CASZ1: variants seen among roughly 807,000 people sequenced by gnomAD.
The protein encoded by CASZ1 is zinc finger protein castor homolog 1.
In CASZ1, 28 loss-of-function variants were observed where a neutral mutation model predicts 135.2. That is an observed-to-expected ratio of 0.21 (90% CI 0.15 to 0.28). The LOEUF (loss-of-function observed/expected upper bound fraction) is 0.28. CASZ1 is among the 10% of genes least tolerant of loss of function. The probability of loss-of-function intolerance (pLI) is 1.00; values close to 1 mark genes in which losing one functional copy is unlikely to be tolerated. For synonymous variants in CASZ1, 1,068 were observed against 1,073.4 expected, an observed-to-expected ratio of 0.99 and a Z score of 0.10; for missense variants, 2,161 against 2,453.3, an observed-to-expected ratio of 0.88 and a Z score of 2.52.
At chr1:10,662,996 C>T (rs1158822992) in intron 5 of CASZ1, among the ~76,000 whole-genome samples, 1 of 152,254 alleles carries the variant, frequency 6.6e-6, no homozygotes, top group Non-Finnish European at 1.5e-5. Flanking sequence ...CCTTCACTGC[C>T]CGTGTGCTAC....
chr1:10,665,642 C>A, intron 4 of CASZ1, 71 bp from the exon 5 acceptor site: 6 of 1,434,206 alleles, frequency 4.2e-6, no homozygotes, highest in Non-Finnish European at 5.5e-6. Context: ...TCCCGAACAG[C>A]CCTGCATCCC....
intron 4 of CASZ1, among the ~76,000 whole-genome samples, chr1:10,667,981 C>T (rs1244902852): frequency 6.6e-6 from 1 of 152,146 alleles, no homozygotes; most frequent in Non-Finnish European, 1.5e-5. Context: ...GCCGACTCCC[C>T]CGGCACCTGC....
chr1:10,786,261 A>G (rs1640858120), intron 1 of CASZ1, among the ~76,000 whole-genome samples: 1 of 152,090 alleles, frequency 6.6e-6, no homozygotes, highest in South Asian at 2.1e-4. Flanking sequence ...TGGTCTGGCC[A>G]GTGTGGGAAA....
Position 10,720,234 on chromosome 1 carries a change from GT to G in CASZ1, c.-76-14691del, listed in dbSNP as rs774091799. Among the ~76,000 whole-genome samples the G allele has an allele frequency of 1.3e-5, 2 of 152,246 alleles. No homozygotes were observed. Among genetic ancestry groups the G allele is most frequent in the African/African-American group, 2.4e-5 (1 of 41,458 alleles). ...GTGAGGGTTTGGGGAAGCGATGAGG[GT>G]AAAGCTCTTAGCAAAGTGTCTACAC... On this transcript the variant is annotated intron_variant, in intron 2 of 20. Coordinates refer to ENST00000377022, the MANE Select transcript of CASZ1 (RefSeq NM_001079843.3). This position sits in a 1 kb window ranked among gnomAD's most constrained non-coding sequence, Gnocchi z 5.7.
intron 3 of CASZ1, among the ~76,000 whole-genome samples, chr1:10,702,366 C>G (rs996500945): frequency 1.3e-5 from 2 of 152,182 alleles, no homozygotes; most frequent in African/African-American, 4.8e-5. Flanking sequence ...GATCTCAGAC[C>G]CCTCCTCTCA....
chr1:10,716,079 C>CCCCACAGCACCCAATCCACA (rs1639386634), intron 2 of CASZ1, among the ~76,000 whole-genome samples: 1 of 145,392 alleles, frequency 6.9e-6, no homozygotes, highest in East Asian at 2.1e-4. Context: ...CCAATCCGCA[C>CCCCACAGCACCCAATCCACA]CCCACAGCAC....
At chr1:10,695,467 T>G (rs1478265398) in intron 3 of CASZ1, among the ~76,000 whole-genome samples, 1 of 150,196 alleles carries the variant, frequency 6.7e-6, no homozygotes, top group Non-Finnish European at 1.5e-5. Flanking sequence ...CACTTGCGCT[T>G]CCTCCCTGCC....
intron 11 of CASZ1, 83 bp downstream of exon 11, chr1:10,653,294 C>T (rs554456120): frequency 2.2e-5 from 30 of 1,377,922 alleles, no homozygotes; most frequent in African/African-American, 7.1e-5. Flanking sequence ...AAACACCCCC[C>T]GACTCTGCTC....
rs534008119 is a variant in CASZ1, at chr1:10,649,129, G to A, written c.3099C>T (p.Cys1033=). 280 of 1,613,734 alleles carry A rather than the reference G, an allele frequency of 1.7e-4. 1 individual carries two copies. The South Asian group carries it at 2.9e-3, about 17-fold the overall frequency. The change falls in exon 15 of 21, where the codon TGC becomes TGT. Residue 1033 remains cysteine, a synonymous_variant. Transcript: ENST00000377022. ...AGAGCGCGCCGCATTCCTCCACCAC[G>A]CAGTGGAAGTGGGCCTTGTGGAGGA... The part of the protein sequence containing the change: ...CDFLHKAHFH[C]VVEECGALFS...
chr1:10,661,809 A>C (rs1643038050), intron 5 of CASZ1, among the ~76,000 whole-genome samples: 1 of 150,502 alleles, frequency 6.6e-6, no homozygotes, highest in South Asian at 2.1e-4. Context: ...TCACACACAC[A>C]CCCACAGTCA....
At chr1:10,749,178 A>G (rs1481384079) in intron 2 of CASZ1, among the ~76,000 whole-genome samples, 1 of 151,930 alleles carries the variant, frequency 6.6e-6, no homozygotes, top group African/African-American at 2.4e-5. Flanking sequence ...TCTCCACGAC[A>G]TGCCCTCCAC....
intron 2 of CASZ1, among the ~76,000 whole-genome samples, chr1:10,731,657 A>C (rs1174941995): frequency 6.6e-6 from 1 of 152,228 alleles, no homozygotes; most frequent in African/African-American, 2.4e-5. Flanking sequence ...CTGAAACAGT[A>C]CACAAAGTTC....
chr1:10,713,603 G>A (rs1639325640), intron 2 of CASZ1, among the ~76,000 whole-genome samples: 3 of 152,188 alleles, frequency 2.0e-5, no homozygotes, highest in African/African-American at 4.8e-5. Flanking sequence ...GGAGGCTCCC[G>A]GAAGGCAGGC....
rs1640250599 is a variant in CASZ1 at position 10,756,116 on chromosome 1, C to T, written c.-77+4585G>A. ...CGCCCAGGAAGACTGGCTGACACGC[C>T]CCTCGGAGCCAGGCAGAGGCACCAG... On this transcript the variant is annotated intron_variant, in intron 2 of 20. Coordinates refer to ENST00000377022, the MANE Select transcript of CASZ1 (RefSeq NM_001079843.3). This position sits in a 1 kb window ranked among gnomAD's most constrained non-coding sequence, Gnocchi z 5.9. Among the ~76,000 whole-genome samples, 1 of 152,100 alleles carries T rather than the reference C, an allele frequency of 6.6e-6. No homozygotes were observed. The highest frequency in any genetic ancestry group is 1.5e-5 in the Non-Finnish European group (1 of 68,010).
At chr1:10,718,616 G>T (rs952701202) in intron 2 of CASZ1, among the ~76,000 whole-genome samples, 1 of 152,336 alleles carries the variant, frequency 6.6e-6, no homozygotes, top group African/African-American at 2.4e-5. Flanking sequence ...AGGGCCAGAG[G>T]GTGGGAAAGG....
At chr1:10,648,548 G>T in intron 15 of CASZ1, 1 of 214,108 alleles carries the variant, frequency 4.7e-6, no homozygotes, top group South Asian at 1.2e-4. Context: ...AAAGCCTTGG[G>T]AGCACTGCAG....
chr1:10,758,329 T>TC lies in CASZ1; in HGVS notation c.-77+2371_-77+2372insG, dbSNP rs374544967. Among the ~76,000 whole-genome samples, 837 of 85,584 alleles carry TC rather than the reference T, an allele frequency of 9.8e-3. 5 individuals carry two copies. Among genetic ancestry groups the TC allele is most frequent in the South Asian group, 0.028 (77 of 2,748 alleles). 56.1% of individuals were successfully genotyped at this position (85,584 alleles called of 152,430 possible). ...CGCCAGACCCTCTTCTCTCTCTCTC[T>TC]TTTTTTTTTTTTTTTTTTTTGAGAC... On this transcript the variant is annotated intron_variant, in intron 2 of 20. Transcript: ENST00000377022.
chr1:10,659,669 G>C (rs767363421), intron 6 of CASZ1, 33 bp downstream of exon 6: 2 of 1,562,920 alleles, frequency 1.3e-6, no homozygotes, highest in East Asian at 4.5e-5. Flanking sequence ...CTGGCTCCTG[G>C]CTCTGGGCAT....
rs572968022 is a variant in CASZ1 at position 10,708,681 on chromosome 1, C to T, written c.-76-3137G>A. 2.4e-4 allele frequency among the ~76,000 whole-genome samples: 37 copies of T among 152,086 alleles called. 1 individual carries two copies. The highest frequency in any genetic ancestry group is 3.9e-4 in the Admixed American group (6 of 15,270). ...AAGCACAGTGGTCTCTCCCTGAGCCCGGCAGCCCTGGGCTGGCTTCTGTTA... is the reference window on the plus strand; with the variant it reads ...AAGCACAGTGGTCTCTCCCTGAGCCTGGCAGCCCTGGGCTGGCTTCTGTTA... On this transcript the variant is annotated intron_variant, in intron 2 of 20. Coordinates refer to ENST00000377022, the MANE Select transcript of CASZ1 (RefSeq NM_001079843.3).
Sources: allele counts gnomAD v4.1 joint callset (sites outside exome capture counted in the v4.1 genomes callset), GRCh38; gene constraint gnomAD v4.1.1; non-coding constraint Gnocchi (gnomAD v3.1); transcripts MANE v1.5; gene names NCBI Gene and HGNC (gene_info 2026-07-23, HGNC 2026-07-21).